Variants in NID1 observed in about 807,000 individuals in gnomAD.
NID1 encodes nidogen 1, also known as nidogen-1.
In NID1, 76 loss-of-function variants were observed where a neutral mutation model predicts 130.6. The observed-to-expected ratio is 0.58, with a 90% confidence interval of 0.48 to 0.70. The LOEUF is 0.70. NID1 is among the 30% of genes least tolerant of loss of function. NID1 has a pLI of 0.00. For synonymous variants in NID1, 665 were observed against 675.1 expected (o/e 0.98, Z 0.23); for missense variants, 1,517 against 1,664.8 (o/e 0.91, Z 1.54).
At chr1:236,034,431 AAAAAAAAG>A (rs1427775808) in intron 5 of NID1, among the ~76,000 whole-genome samples, 1 of 151,672 alleles carries the variant, frequency 6.6e-6, no homozygotes. Context: ...TCAAAAAAAA[AAAAAAAAG>A]AAAGAAAGAA....
In NID1 at chr1:236,064,912, G is replaced by A. The variant is rs1660150176; in HGVS notation, c.168C>T (p.Ala56=). The part of the protein sequence containing the change: ...LEDGDDFVSP[A]LELSGALRFY... Reference sequence around the variant, plus strand: ...AGCGGAGCGCCCCACTCAGCTCCAGGGCAGGAGAGACGAAGTCATCCCCGT... The same window carrying A: ...AGCGGAGCGCCCCACTCAGCTCCAGAGCAGGAGAGACGAAGTCATCCCCGT... Residue 56 remains alanine (A), a synonymous_variant, in exon 1 of 20, where the codon GCC becomes GCT. Coordinates refer to ENST00000264187, the MANE Select transcript of NID1 (RefSeq NM_002508.3). 1 of 1,612,282 alleles carries A rather than the reference G, an allele frequency of 6.2e-7. No individual in the cohort carries two copies. Among genetic ancestry groups the A allele is most frequent in the Non-Finnish European group, 8.5e-7 (1 of 1,179,438 alleles).
chr1:236,020,055 A>C (rs908694877), intron 9 of NID1, among the ~76,000 whole-genome samples: 47 of 137,492 alleles, frequency 3.4e-4, no homozygotes, highest in African/African-American at 1.1e-3. Flanking sequence ...AAAAAAAAAA[A>C]AAACAAAAAC....
intron 9 of NID1, among the ~76,000 whole-genome samples, chr1:236,021,328 C>T (rs968208844): frequency 6.6e-6 from 1 of 152,198 alleles, no homozygotes; most frequent in Non-Finnish European, 1.5e-5. Flanking sequence ...GATACGTTAC[C>T]AGGAAGGTAA....
Position 235,979,824 on chromosome 1 carries a change from C to A in NID1, c.3507G>T (p.Lys1169Asn), listed in dbSNP as rs200587626. 1 of 1,613,784 alleles carries A rather than the reference C, an allele frequency of 6.2e-7. No homozygotes were observed. Among genetic ancestry groups the A allele is most frequent in the South Asian group, 1.1e-5 (1 of 91,060 alleles). The change falls in exon 18 of 20, where the codon AAG (lysine) becomes AAT (asparagine). Residue 1169 changes from lysine (K) to asparagine (N), a missense_variant and splice_region_variant. Around this residue, in one of 3 missense-constraint regions of NID1, gnomAD observed 181 missense variants for 211.3 expected, o/e 0.86. Coordinates refer to ENST00000264187, the MANE Select transcript of NID1 (RefSeq NM_002508.3). This position sits in a 1 kb window ranked among gnomAD's most constrained non-coding sequence, Gnocchi z 4.6. ...CCCCATGGCTACAGCTGACGTACAT[C>A]TTCCAGTCTGTGAAATACAGATTCT... ...YGKNLYFTDW[K>N]MNSVVALDLA...
chr1:235,993,781 C>T lies in NID1; in HGVS notation c.2619G>A (p.Leu873=), dbSNP rs751062498. 10 of 1,614,198 alleles carry T rather than the reference C, an allele frequency of 6.2e-6. No individual in the cohort carries two copies. The Admixed American group carries it at 1.7e-4, about 27-fold the overall frequency. The change falls in exon 13 of 20, where the codon CTG becomes CTA. Residue 873 remains leucine (L), a synonymous_variant. Coordinates refer to ENST00000264187, the MANE Select transcript of NID1 (RefSeq NM_002508.3). ...TDPQRPIPPG[L]FVPECDAHGH... ...CGTGCGCATCGCACTCAGGAACGAA[C>T]AGCCCCGGAGGAATGGGTCGCTGTG...
intron 1 of NID1, 145 bp downstream of exon 1, chr1:236,064,710 C>G (rs906464082): frequency 1.4e-6 from 1 of 710,744 alleles, no homozygotes; most frequent in African/African-American, 1.9e-5. Context: ...CCTGCAGAGG[C>G]GGGAGACCCT....
chr1:236,046,562 G>A (rs1221547299), intron 2 of NID1, among the ~76,000 whole-genome samples: 1 of 151,850 alleles, frequency 6.6e-6, no homozygotes, highest in Non-Finnish European at 1.5e-5. Context: ...GTCAGGGAGA[G>A]GACGTCCCAA....
rs1262515286 is a variant in NID1 at position 236,042,286 on chromosome 1, A to G, written c.759T>C (p.Ser253=). The change falls in exon 4 of 20, where the codon AGT becomes AGC. Residue 253 remains serine, a synonymous_variant. Transcript: ENST00000264187. ...RESVENLAKS[S]NSGQQGVWVF... ...CCCAGACACCCTGCTGCCCAGAGTTACTACTCCTAGGAGGAAGGACAGGCT... is the reference window on the plus strand; with the variant it reads ...CCCAGACACCCTGCTGCCCAGAGTTGCTACTCCTAGGAGGAAGGACAGGCT... 1 of 1,601,924 alleles carries G rather than the reference A, an allele frequency of 6.2e-7. No individual in the cohort carries two copies. The highest frequency in any genetic ancestry group is 2.2e-5 in the East Asian group (1 of 44,876).
chr1:235,991,751 A>G (rs1657748484), intron 13 of NID1, among the ~76,000 whole-genome samples: 1 of 152,166 alleles, frequency 6.6e-6, no homozygotes, highest in Non-Finnish European at 1.5e-5. Flanking sequence ...AACAGCGAAA[A>G]CAGCATCCCT....
At chr1:236,016,152 T>C (rs1266373139) in intron 10 of NID1, among the ~76,000 whole-genome samples, 2 of 150,694 alleles carry the variant, frequency 1.3e-5, no homozygotes, top group Admixed American at 6.6e-5. Flanking sequence ...TGTTCCCTAC[T>C]GAGGAAAAAA....
At chr1:235,999,942 T>C (rs1332196568) in intron 12 of NID1, among the ~76,000 whole-genome samples, 3 of 152,108 alleles carry the variant, frequency 2.0e-5, no homozygotes, top group Non-Finnish European at 1.5e-5. Context: ...GGCCGGGCCC[T>C]GTGGCTCTCG....
chr1:236,012,688 G>A (rs573010221), intron 11 of NID1, among the ~76,000 whole-genome samples: 1 of 152,116 alleles, frequency 6.6e-6, no homozygotes, highest in East Asian at 1.9e-4. Context: ...AAAACTGTCT[G>A]AGTGTTTACT....
In NID1 at chr1:236,029,693, A is replaced by T. The variant is rs762462787; in HGVS notation, c.1595T>A (p.Val532Asp). 3.7e-6 allele frequency: 6 copies of T among 1,614,074 alleles called. No homozygotes were observed. The highest frequency in any genetic ancestry group is 5.1e-6 in the Non-Finnish European group (6 of 1,180,024). The stretch of plus-strand genomic sequence containing the variant: ...GATGCCGCTGAACCGCTGCTTAATG[A>T]CCAGATTGCCCGGGTGCCCCACGAA... ...VTFVGHPGNL[V>D]IKQRFSGIDE... The change falls in exon 7 of 20, where the codon GTC becomes GAC. Residue 532 changes from valine to aspartate, a missense_variant. Around this residue, in one of 3 missense-constraint regions of NID1, gnomAD observed 1,329 missense variants for 1,429.2 expected, o/e 0.93. Coordinates refer to ENST00000264187, the MANE Select transcript of NID1 (RefSeq NM_002508.3).
At chr1:235,987,841 G>A (rs763923547) in intron 14 of NID1, among the ~76,000 whole-genome samples, 7 of 152,068 alleles carry the variant, frequency 4.6e-5, no homozygotes, top group Non-Finnish European at 2.9e-5. Context: ...TCCTCAAGGG[G>A]TCAAGTCAAA....
At chr1:236,051,126 G>A (rs1264806968) in intron 1 of NID1, among the ~76,000 whole-genome samples, 1 of 152,164 alleles carries the variant, frequency 6.6e-6, no homozygotes. Context: ...AATCAAAAGG[G>A]AGAGATTTTG....
intron 7 of NID1, among the ~76,000 whole-genome samples, chr1:236,026,746 T>C (rs1467636143): frequency 4.0e-5 from 6 of 151,824 alleles, no homozygotes; most frequent in African/African-American, 1.5e-4. Context: ...TTCATTTTTT[T>C]TTTTTTTTTT....
At chr1:236,005,637 T>A (rs568985591) in intron 12 of NID1, among the ~76,000 whole-genome samples, 1 of 152,368 alleles carries the variant, frequency 6.6e-6, no homozygotes, top group South Asian at 2.1e-4. Flanking sequence ...ATTTCACTTC[T>A]TTAAACTACT....
At position 236,049,218 on chromosome 1, in the gene NID1, G is replaced by A. The variant is rs183732566; in HGVS notation, c.226-229C>T. Among the ~76,000 whole-genome samples, 44 of 152,202 alleles carry A rather than the reference G, an allele frequency of 2.9e-4. No individual in the cohort carries two copies. The South Asian group carries it at 4.6e-3, about 16-fold the overall frequency. On this transcript the variant is annotated intron_variant, in intron 1 of 19. Transcript: ENST00000264187. ...TATTCAAATCCTAGTGAATTTACTC[G>A]AAAAAGGGAGTAATCACTCCCTACC... is the stretch of plus-strand genomic sequence containing the variant.
chr1:236,037,961 A>G, intron 5 of NID1, 143 bp downstream of exon 5: 1 of 961,348 alleles, frequency 1.0e-6, no homozygotes, highest in Non-Finnish European at 1.5e-6. Context: ...AAAAATGAGG[A>G]AAGAGAGACC....
Sources: allele counts gnomAD v4.1 joint callset (sites outside exome capture counted in the v4.1 genomes callset), GRCh38; gene constraint gnomAD v4.1.1; regional missense constraint gnomAD v4.1.1; non-coding constraint Gnocchi (gnomAD v3.1); transcripts MANE v1.5; gene names NCBI Gene and HGNC (gene_info 2026-07-23, HGNC 2026-07-21).